FAM227B: variants seen among roughly 807,000 people sequenced by gnomAD.
FAM227B encodes the protein protein FAM227B.
In FAM227B, 88 loss-of-function variants were observed where a neutral mutation model predicts 73.8. The ratio of observed to expected loss-of-function variants is 1.19; its 90% CI spans 1.00 to 1.42. FAM227B has a LOEUF of 1.42. Among genes scored for constraint, FAM227B ranks in the 40% most tolerant of loss-of-function variants. FAM227B has a pLI of 0.00. For synonymous variants in FAM227B, 210 were observed against 190.5 expected (o/e 1.10, Z -0.84); for missense variants, 632 against 590.9 (o/e 1.07, Z -0.72).
At chr15:49,380,787 T>G (rs1017902139) in intron 11 of FAM227B, among the ~76,000 whole-genome samples, 1 of 152,144 alleles carries the variant, frequency 6.6e-6, no homozygotes, top group Non-Finnish European at 1.5e-5. Flanking sequence ...GAATTGGATT[T>G]GATTTGATTT....
intron 9 of FAM227B, among the ~76,000 whole-genome samples, chr15:49,556,826 G>T (rs755827716): frequency 6.6e-6 from 1 of 152,150 alleles, no homozygotes; most frequent in South Asian, 2.1e-4. Flanking sequence ...AGACATTCCC[G>T]CACTAATCCC....
intron 13 of FAM227B, among the ~76,000 whole-genome samples, chr15:49,351,700 T>C (rs1251942236): frequency 6.6e-6 from 1 of 152,150 alleles, no homozygotes; most frequent in Non-Finnish European, 1.5e-5. Flanking sequence ...AAAGTAACAT[T>C]GGACAGACAG....
At chr15:49,474,886 C>T (rs35715933) in intron 11 of FAM227B, among the ~76,000 whole-genome samples, 2 of 152,158 alleles carry the variant, frequency 1.3e-5, no homozygotes, top group African/African-American at 4.8e-5. Flanking sequence ...AACCTCCCCC[C>T]GGCTCCCGTC....
intron 9 of FAM227B, among the ~76,000 whole-genome samples, chr15:49,545,018 T>C (rs1024377579): frequency 1.4e-4 from 22 of 152,110 alleles, no homozygotes; most frequent in Non-Finnish European, 2.5e-4. Flanking sequence ...CCTGGCTTCA[T>C]AGAATTAGGG....
intron 9 of FAM227B, among the ~76,000 whole-genome samples, chr15:49,547,414 A>G (rs555098902): frequency 7.4e-4 from 112 of 151,980 alleles, no homozygotes; most frequent in African/African-American, 2.5e-3. Context: ...GACAGGATCA[A>G]ATTCAGATAT....
intron 11 of FAM227B, among the ~76,000 whole-genome samples, chr15:49,477,981 A>G (rs1303382931): frequency 3.3e-5 from 5 of 152,248 alleles, no homozygotes; most frequent in African/African-American, 1.2e-4. Context: ...TTACCTGGGT[A>G]TATTGTGTGA....
chr15:49,531,474 C>T (rs2060603959), intron 10 of FAM227B, among the ~76,000 whole-genome samples: 1 of 151,930 alleles, frequency 6.6e-6, no homozygotes, highest in Non-Finnish European at 1.5e-5. Flanking sequence ...TCTATAACAA[C>T]TTGCAAATAT....
At chr15:49,420,855 G>T (rs886594224) in intron 11 of FAM227B, among the ~76,000 whole-genome samples, 1 of 152,008 alleles carries the variant, frequency 6.6e-6, no homozygotes, top group African/African-American at 2.4e-5. Flanking sequence ...ACAGGCGCCC[G>T]CTACCATGCC....
intron 13 of FAM227B, among the ~76,000 whole-genome samples, chr15:49,337,275 T>C (rs1192021190): frequency 6.6e-6 from 1 of 152,200 alleles, no homozygotes; most frequent in African/African-American, 2.4e-5. Flanking sequence ...TCAACTACTT[T>C]TGACAGTGGC....
chr15:49,396,316 T>C (rs532128673), intron 11 of FAM227B: 287 of 391,816 alleles, frequency 7.3e-4, no homozygotes, highest in Non-Finnish European at 1.0e-3. Flanking sequence ...CACCACGAGA[T>C]TATATCCCAC....
intron 13 of FAM227B, among the ~76,000 whole-genome samples, chr15:49,354,404 C>T (rs943781137): frequency 2.0e-4 from 30 of 152,274 alleles, no homozygotes; most frequent in East Asian, 1.4e-3. Context: ...GTGCGTGAGC[C>T]GAAGCAGGGC....
rs1007634668 is a variant in FAM227B, at chr15:49,433,879, C to A, written c.1013-62480G>T. Among the ~76,000 whole-genome samples the A allele has an allele frequency of 2.6e-5, 4 of 151,810 alleles. No homozygotes were observed. The East Asian group carries it at 5.9e-4, about 22-fold the overall frequency. Reference sequence around the variant, plus strand: ...TAGTTGATATTGGTTTAAGGAATATCTGCATTAGAGACAAAAAGAGAAAAA... The same window carrying A: ...TAGTTGATATTGGTTTAAGGAATATATGCATTAGAGACAAAAAGAGAAAAA... On this transcript the variant is annotated intron_variant, in intron 11 of 15. Coordinates refer to ENST00000299338, the MANE Select transcript of FAM227B (RefSeq NM_152647.3).
chr15:49,354,293 G>A (rs945304317), intron 13 of FAM227B, among the ~76,000 whole-genome samples: 2 of 152,186 alleles, frequency 1.3e-5, no homozygotes, highest in African/African-American at 2.4e-5. Context: ...CAGCGTGAGC[G>A]ACGCAGAAGA....
chr15:49,554,324 T>C (rs1014211243), intron 9 of FAM227B, among the ~76,000 whole-genome samples: 3 of 152,178 alleles, frequency 2.0e-5, no homozygotes, highest in African/African-American at 7.2e-5. Context: ...CTATGTTGCG[T>C]GCACACTCCA....
At chr15:49,445,701 C>T (rs1000849629) in intron 11 of FAM227B, among the ~76,000 whole-genome samples, 8 of 151,448 alleles carry the variant, frequency 5.3e-5, no homozygotes, top group African/African-American at 1.9e-4. Context: ...AGTATATGAT[C>T]CATCAAGTTC....
chr15:49,538,531 C>T (rs2070595840), intron 10 of FAM227B, among the ~76,000 whole-genome samples: 1 of 152,158 alleles, frequency 6.6e-6, no homozygotes, highest in Non-Finnish European at 1.5e-5. Context: ...GGTGCAAATG[C>T]TCCAGTGGGT....
chr15:49,405,223 T>A (rs1019552146), intron 11 of FAM227B, among the ~76,000 whole-genome samples: 4 of 152,180 alleles, frequency 2.6e-5, no homozygotes, highest in Admixed American at 1.3e-4. Context: ...CTGATGATTA[T>A]GTGTCTTGGG....
In FAM227B at chr15:49,375,915, T is replaced by C. The variant is rs72727273; in HGVS notation, c.1013-4516A>G. Among the ~76,000 whole-genome samples, 765 of 152,214 alleles carry C rather than the reference T, an allele frequency of 5.0e-3. 3 individuals carry two copies. The highest frequency in any genetic ancestry group is 8.4e-3 in the Non-Finnish European group (570 of 67,934). Reference sequence around the variant, plus strand: ...TTATTTTATAACCAAACCTTGACAGTCTTGACTGGTACTGTCATAAAAATT... The same window carrying C: ...TTATTTTATAACCAAACCTTGACAGCCTTGACTGGTACTGTCATAAAAATT... On this transcript the variant is annotated intron_variant, in intron 11 of 15. Coordinates refer to ENST00000299338, the MANE Select transcript of FAM227B (RefSeq NM_152647.3).
At chr15:49,589,133 CATT>C (rs541810667) in intron 4 of FAM227B, among the ~76,000 whole-genome samples, 273 of 152,136 alleles carry the variant, frequency 1.8e-3, no homozygotes, top group South Asian at 3.1e-3. Flanking sequence ...TAAAAATTAT[CATT>C]ACTTGCTGTA....
Sources: gnomAD v4.1 joint callset for allele counts (sites outside exome capture counted in the v4.1 genomes callset) on GRCh38, gnomAD v4.1.1 for gene constraint, MANE v1.5 for transcripts, NCBI Gene and HGNC (gene_info 2026-07-23, HGNC 2026-07-21) for gene names.